The following HTT variants were observed in gnomAD, a reference collection of about 807,000 sequenced individuals.
HTT encodes huntington disease protein.
A neutral mutation model predicts 362.3 loss-of-function variants in HTT; 104 were observed. That is an observed-to-expected ratio of 0.29 (90% CI 0.24 to 0.34). The LOEUF is 0.34. Among genes scored for constraint, HTT ranks in the 10% least tolerant of loss-of-function variants. HTT has a pLI of 1.00. For missense variants in HTT, 3,301 were observed against 3,928.6 expected (o/e 0.84, Z 4.27); for synonymous variants, 1,577 against 1,548.7 (o/e 1.02, Z -0.43).
In HTT at chr4:3,238,920, A is replaced by G. The variant is rs1165376627; in HGVS notation, c.9157A>G (p.Thr3053Ala). ...GCAGAGGGCCCCGGTCGCCATGGCC[A>G]CGTGGAGCCTCTCCTGCTTCTTTGT... ...FTQRAPVAMA[T>A]WSLSCFFVSA... The change falls in exon 66 of 67, where the codon ACG becomes GCG. Residue 3053 changes from threonine (T) to alanine (A), a missense_variant. This residue lies in a region of HTT where 753 missense variants were observed against 1,021.3 expected (regional missense o/e 0.74). Coordinates refer to ENST00000355072, the MANE Select transcript of HTT (RefSeq NM_001388492.1). 4 of 1,610,974 alleles carry G rather than the reference A, an allele frequency of 2.5e-6. No individual in the cohort carries two copies. The highest frequency in any genetic ancestry group is 2.7e-5 in the African/African-American group (2 of 74,902).
chr4:3,082,580 C>A (rs1040461581), intron 1 of HTT, among the ~76,000 whole-genome samples: 2 of 152,160 alleles, frequency 1.3e-5, no homozygotes, highest in Non-Finnish European at 2.9e-5. Flanking sequence ...CAGACTCTCT[C>A]TGCTTGACCT....
chr4:3,217,613 A>G (rs910829798), intron 51 of HTT, 152 bp from the exon 52 acceptor site: 16 of 631,982 alleles, frequency 2.5e-5, no homozygotes, highest in African/African-American at 2.0e-4. Context: ...GGCGGATATG[A>G]AGGTAGAATC....
At chr4:3,106,808 C>A (rs1714455339) in intron 5 of HTT, among the ~76,000 whole-genome samples, 1 of 152,186 alleles carries the variant, frequency 6.6e-6, no homozygotes, top group Admixed American at 6.5e-5. Flanking sequence ...CCACTCCTGG[C>A]ACCTCGCACC....
At chr4:3,239,013 T>C (rs73074852) in intron 66 of HTT, 35 bp downstream of exon 66, 20,021 of 1,572,052 alleles carry the variant, frequency 0.013, 529 homozygotes, top group African/African-American at 0.1. Context: ...TGGCCCCGTT[T>C]CCCTTGTCAA....
chr4:3,081,916 TA>T (rs1280619595), intron 1 of HTT, among the ~76,000 whole-genome samples: 3 of 152,074 alleles, frequency 2.0e-5, no homozygotes, highest in Non-Finnish European at 4.4e-5. Flanking sequence ...TTGAAAATTA[TA>T]AAAGTTACAC....
In HTT at chr4:3,218,506, G is replaced by A. The variant is rs977175364; in HGVS notation, c.7242+554G>A. On this transcript the variant is annotated intron_variant, in intron 52 of 66. Coordinates refer to ENST00000355072, the MANE Select transcript of HTT (RefSeq NM_001388492.1). This position sits in a 1 kb window ranked among gnomAD's most constrained non-coding sequence, Gnocchi z 4.4. The stretch of plus-strand genomic sequence containing the variant: ...AAATTAGCCAGGTGTGGTGGTGTAC[G>A]CCTGTAATCCCAGCTACTCAGGAGA... Among the ~76,000 whole-genome samples, 4 of 152,034 alleles carry A rather than the reference G, an allele frequency of 2.6e-5. No homozygotes were observed. The highest frequency in any genetic ancestry group is 2.1e-4 in the South Asian group (1 of 4,822).
intron 1 of HTT, among the ~76,000 whole-genome samples, chr4:3,081,088 G>T (rs1443539504): frequency 1.3e-5 from 2 of 152,126 alleles, no homozygotes; most frequent in African/African-American, 4.8e-5. Context: ...ATTTCCGTAC[G>T]AATTGTAGGA....
chr4:3,148,907 T>C (rs1053238981), intron 26 of HTT, among the ~76,000 whole-genome samples: 1 of 151,474 alleles, frequency 6.6e-6, no homozygotes, highest in African/African-American at 2.4e-5. Flanking sequence ...CAGTAAGCCT[T>C]GATTGTGCCG....
intron 2 of HTT, among the ~76,000 whole-genome samples, chr4:3,097,181 TAG>T (rs1372776806): frequency 6.6e-6 from 1 of 151,970 alleles, no homozygotes; most frequent in African/African-American, 2.4e-5. Flanking sequence ...GTCAGTAAAA[TAG>T]AAAACAAAAA....
chr4:3,074,875 TCCAGCA>T lies in HTT; in HGVS notation c.51_56del (p.Phe17_Gln19delinsLeu). The T allele has an allele frequency of 1.6e-6, 2 of 1,287,824 alleles. No individual in the cohort carries two copies. Among genetic ancestry groups the T allele is most frequent in the Non-Finnish European group, 2.1e-6 (2 of 962,594 alleles). The allele number at this position is 1,287,824 out of a possible 1,614,324, so 79.8% of individuals were successfully genotyped here. On this transcript the variant is annotated inframe_deletion, in exon 1 of 67. Transcript: ENST00000355072. ...AAGGCCTTCGAGTCCCTCAAGTCCT[TCCAGCA>T]GCAGCAGCAGCAGCAGCAGCAGCAG...
chr4:3,093,905 G>GTTTTTTTTTTT (rs67455911), intron 2 of HTT, among the ~76,000 whole-genome samples: 32 of 23,892 alleles, frequency 1.3e-3, no homozygotes, highest in African/African-American at 3.4e-3. Context: ...CTTTAAGTTG[G>GTTTTTTTTTTT]TTTTTTTTTT....
chr4:3,189,869 C>T (rs1718932946), intron 40 of HTT, among the ~76,000 whole-genome samples: 1 of 152,038 alleles, frequency 6.6e-6, no homozygotes, highest in Non-Finnish European at 1.5e-5. Context: ...TACAAACAAA[C>T]TAGCCGGGGA....
intron 56 of HTT, 28 bp downstream of exon 56, chr4:3,224,159 C>T (rs780770066): frequency 2.4e-5 from 39 of 1,611,904 alleles, no homozygotes; most frequent in South Asian, 3.3e-5. Flanking sequence ...TGCGGGGGAG[C>T]GGTTGTACTT....
intron 2 of HTT, among the ~76,000 whole-genome samples, chr4:3,089,708 C>G (rs1713401015): frequency 6.6e-6 from 1 of 152,162 alleles, no homozygotes; most frequent in African/African-American, 2.4e-5. Flanking sequence ...GTGCGTCAGG[C>G]TTTATTCTTG....
chr4:3,217,754 T>C lies in HTT; in HGVS notation c.7055-11T>C. 1 of 1,606,138 alleles carries C rather than the reference T, an allele frequency of 6.2e-7. No individual in the cohort carries two copies. Among genetic ancestry groups the C allele is most frequent in the Non-Finnish European group, 8.5e-7 (1 of 1,174,806 alleles). On this transcript the variant is annotated splice_polypyrimidine_tract_variant and intron_variant, in intron 51 of 66. Coordinates refer to ENST00000355072, the MANE Select transcript of HTT (RefSeq NM_001388492.1). ...TTTTAAAAAGTCCTCTCTTAACCGT[T>C]GCTTGTTTAGATCCTAAGTATATCA...
chr4:3,090,342 C>T (rs564558827), intron 2 of HTT, among the ~76,000 whole-genome samples: 1 of 152,178 alleles, frequency 6.6e-6, no homozygotes, highest in Non-Finnish European at 1.5e-5. Flanking sequence ...ATGAAGGCAC[C>T]TCACTGTCCT....
rs56210756 is a variant in HTT, at chr4:3,083,530, TACACACACACACACACACACAC to T, written c.264-3373_264-3352del. ...GAGAGTGAGACCCTGTCTCTAAATATACACACACACACACACACACACACACACACACACACACACACACACA... is the reference window on the plus strand; with the variant it reads ...GAGAGTGAGACCCTGTCTCTAAATATACACACACACACACACACACACACA... On this transcript the variant is annotated intron_variant, in intron 1 of 66. Coordinates refer to ENST00000355072, the MANE Select transcript of HTT (RefSeq NM_001388492.1). 6.3e-3 allele frequency among the ~76,000 whole-genome samples: 790 copies of T among 125,218 alleles called. 12 individuals are homozygous for T. Among genetic ancestry groups the T allele is most frequent in the African/African-American group, 0.02 (729 of 35,864 alleles). 82.1% of individuals were successfully genotyped at this position (125,218 alleles called of 152,430 possible). A position where few individuals can be genotyped will look rare whatever the true frequency, so the allele number is the denominator to read the frequency against.
rs1239469809 is a variant in HTT, at chr4:3,147,945, A to G, written c.3296-60A>G. 6.5e-6 allele frequency: 9 copies of G among 1,385,268 alleles called. No homozygotes were observed. The highest frequency in any genetic ancestry group is 6.2e-5 in the Admixed American group (3 of 48,510). The allele number at this position is 1,385,268 out of a possible 1,614,324, so 85.8% of individuals were successfully genotyped here. A position where few individuals can be genotyped will look rare whatever the true frequency, so the allele number is the denominator to read the frequency against. On this transcript the variant is annotated intron_variant, in intron 25 of 66. Coordinates refer to ENST00000355072, the MANE Select transcript of HTT (RefSeq NM_001388492.1). ...GGTCTTAAATGACTTCAGTTCCCCA[A>G]GCAATTTGTCCTTCCCATGCTATTG...
At position 3,241,150 on chromosome 4, in the gene HTT, GC is replaced by G. The variant is rs1184916233; in HGVS notation, c.*1094del. On this transcript the variant is annotated 3_prime_UTR_variant, in exon 67 of 67. Transcript: ENST00000355072. ...GGGACCTGCTGCTCCATGGATGCAT[GC>G]CCTAAGAGTGTCACTGAGCTGTGTT... The G allele has an allele frequency of 2.6e-5, 4 of 152,328 alleles. No individual in the cohort carries two copies. Among genetic ancestry groups the G allele is most frequent in the Non-Finnish European group, 5.9e-5 (4 of 68,126 alleles). 9.4% of individuals were successfully genotyped at this position (152,328 alleles called of 1,614,324 possible).
Sources: gnomAD v4.1 joint callset for allele counts (sites outside exome capture counted in the v4.1 genomes callset) on GRCh38, gnomAD v4.1.1 for gene constraint, gnomAD v4.1.1 regional missense constraint, Gnocchi (gnomAD v3.1) non-coding constraint, MANE v1.5 for transcripts, NCBI Gene and HGNC (gene_info 2026-07-23, HGNC 2026-07-21) for gene names.